SCARB1: variants seen among roughly 807,000 people sequenced by gnomAD.
SCARB1 encodes scavenger receptor class B member 1.
In SCARB1, 30 loss-of-function variants were observed where a neutral mutation model predicts 57.2. The observed-to-expected ratio is 0.52, with a 90% CI of 0.39 to 0.71. The LOEUF (loss-of-function observed/expected upper bound fraction) is 0.71, where lower values mean the gene tolerates loss of function less well. Ranked by LOEUF, SCARB1 falls within the 30% of genes least tolerant of loss-of-function variation. SCARB1 has a pLI of 0.00. For missense variants in SCARB1, 543 were observed against 671.2 expected, an observed-to-expected ratio of 0.81 and a Z score of 2.11; for synonymous variants, 249 against 268.3, an observed-to-expected ratio of 0.93 and a Z score of 0.70.
intron 1 of SCARB1, among the ~76,000 whole-genome samples, chr12:124,825,730 C>T (rs940421825): frequency 2.0e-5 from 3 of 152,186 alleles, no homozygotes; most frequent in Non-Finnish European, 4.4e-5. Context: ...CTTCTGCACA[C>T]GGTGGCTGCA....
chr12:124,862,402 T>C (rs958160601), intron 1 of SCARB1: 2 of 152,138 alleles, frequency 1.3e-5, no homozygotes, highest in African/African-American at 4.8e-5. Flanking sequence ...AGAGAGACCA[T>C]ATGTTGCTCC....
In SCARB1 at chr12:124,778,518, G is replaced by A; in HGVS notation, c.*69C>T. 1 of 1,368,452 alleles carries A rather than the reference G, an allele frequency of 7.3e-7. No homozygotes were observed. The highest frequency in any genetic ancestry group is 9.4e-7 in the Non-Finnish European group (1 of 1,059,628). 84.8% of individuals were successfully genotyped at this position (1,368,452 alleles called of 1,614,324 possible). On this transcript the variant is annotated 3_prime_UTR_variant, in exon 13 of 13. Coordinates refer to ENST00000261693, the MANE Select transcript of SCARB1 (RefSeq NM_005505.5). Reference sequence around the variant, plus strand: ...CGCTGGGAGAGTCCGGGAGAAGCGGGGTGTAGGGGCTGGGGGGCCGGTCAG... The same window carrying A: ...CGCTGGGAGAGTCCGGGAGAAGCGGAGTGTAGGGGCTGGGGGGCCGGTCAG...
At chr12:124,834,914 CA>C (rs1273432887) in intron 1 of SCARB1, among the ~76,000 whole-genome samples, 5 of 151,882 alleles carry the variant, frequency 3.3e-5, no homozygotes, top group South Asian at 2.1e-4. Flanking sequence ...TCCACCCCCC[CA>C]AAAAAAAGGC....
chr12:124,827,840 T>C (rs1029807237), intron 1 of SCARB1, among the ~76,000 whole-genome samples: 1 of 152,138 alleles, frequency 6.6e-6, no homozygotes, highest in Admixed American at 6.6e-5. Context: ...CTTGTGGCCT[T>C]CGAGCACACG....
intron 8 of SCARB1, among the ~76,000 whole-genome samples, chr12:124,795,610 CA>C (rs1949917408): frequency 6.6e-6 from 1 of 152,220 alleles, no homozygotes; most frequent in African/African-American, 2.4e-5. Context: ...CCTCCTAAGA[CA>C]GCGTTTCCCA....
At chr12:124,782,989 A>G (rs1422630248) in intron 11 of SCARB1, 178 bp from the exon 12 acceptor site, 5 of 613,996 alleles carry the variant, frequency 8.1e-6, no homozygotes, top group Non-Finnish European at 1.4e-5. Flanking sequence ...TCTTAGACAT[A>G]AGTACAAGCA....
At chr12:124,846,356 A>T (rs11057857) in intron 1 of SCARB1, among the ~76,000 whole-genome samples, 9,026 of 152,198 alleles carry the variant, frequency 0.059, 316 homozygotes, top group African/African-American at 0.094. Flanking sequence ...CCCTACTCTG[A>T]CTGTCGGGCC....
At chr12:124,849,881 AGC>A (rs1952317160) in intron 1 of SCARB1, among the ~76,000 whole-genome samples, 1 of 127,270 alleles carries the variant, frequency 7.9e-6, no homozygotes, top group Non-Finnish European at 1.7e-5. Flanking sequence ...TGGGCAACAT[AGC>A]AAGACCCCTG....
intron 8 of SCARB1, 116 bp from the exon 9 acceptor site, chr12:124,795,384 G>A: frequency 1.3e-6 from 1 of 786,586 alleles, no homozygotes; most frequent in East Asian, 2.6e-5. Flanking sequence ...CTGCCCAGTG[G>A]AGCTTGCTTG....
intron 1 of SCARB1, among the ~76,000 whole-genome samples, chr12:124,841,510 G>T (rs1268114497): frequency 6.7e-6 from 1 of 149,132 alleles, no homozygotes; most frequent in Non-Finnish European, 1.5e-5. Flanking sequence ...TACTGAGTCA[G>T]ATCATGGCTC....
intron 11 of SCARB1, chr12:124,783,250 ACT>A: frequency 4.5e-6 from 1 of 223,780 alleles, no homozygotes; most frequent in South Asian, 6.7e-5. Context: ...ACAGGATCTC[ACT>A]CTGTTGTCCA....
At chr12:124,855,354 C>A (rs889039652) in intron 1 of SCARB1, among the ~76,000 whole-genome samples, 1 of 152,190 alleles carries the variant, frequency 6.6e-6, no homozygotes, top group Admixed American at 6.5e-5. Flanking sequence ...AGCTTCTGAG[C>A]AGGCGGAGTG....
intron 5 of SCARB1, 58 bp downstream of exon 5, chr12:124,811,812 G>A: frequency 8.0e-7 from 1 of 1,246,346 alleles, no homozygotes. Context: ...GAGCAGCCAT[G>A]GCCGGGCCCA....
At chr12:124,859,462 C>T (rs1458945447) in intron 1 of SCARB1, among the ~76,000 whole-genome samples, 1 of 151,974 alleles carries the variant, frequency 6.6e-6, no homozygotes, top group African/African-American at 2.4e-5. Flanking sequence ...ACCCAGGAGG[C>T]AGAGGCTGCA....
At chr12:124,815,726 C>T (rs1031811962) in intron 2 of SCARB1, among the ~76,000 whole-genome samples, 4 of 152,138 alleles carry the variant, frequency 2.6e-5, no homozygotes, top group African/African-American at 4.8e-5. Flanking sequence ...ATTAGCTGGG[C>T]ATGGTGGCAG....
chr12:124,843,296 G>GC (rs941907126), intron 1 of SCARB1, among the ~76,000 whole-genome samples: 1 of 123,622 alleles, frequency 8.1e-6, no homozygotes, highest in African/African-American at 2.6e-5. Context: ...GAGATGGGGG[G>GC]GGGGGTCTTA....
intron 1 of SCARB1, among the ~76,000 whole-genome samples, chr12:124,836,912 A>G (rs1299976722): frequency 4.0e-5 from 6 of 151,596 alleles, no homozygotes; most frequent in Admixed American, 6.6e-5. Context: ...CACAAACCCA[A>G]TGTTGGCACA....
chr12:124,852,268 G>C (rs1952440988), intron 1 of SCARB1, among the ~76,000 whole-genome samples: 1 of 152,200 alleles, frequency 6.6e-6, no homozygotes, highest in South Asian at 2.1e-4. Context: ...CTCAGACAGG[G>C]AAACAGCCCA....
intron 7 of SCARB1, among the ~76,000 whole-genome samples, chr12:124,804,531 G>A (rs924657368): frequency 2.2e-4 from 34 of 152,174 alleles, no homozygotes; most frequent in African/African-American, 8.2e-4. Flanking sequence ...AGTTGCTGTA[G>A]CACACCTATT....
Sources: allele counts gnomAD v4.1 joint callset (sites outside exome capture counted in the v4.1 genomes callset), GRCh38; gene constraint gnomAD v4.1.1; transcripts MANE v1.5; gene names NCBI Gene and HGNC (gene_info 2026-07-23, HGNC 2026-07-21).